ATP8A2: variants seen among roughly 807,000 people sequenced by gnomAD.
The protein encoded by ATP8A2 is ATPase phospholipid transporting 8A2, also known as phospholipid-transporting ATPase IB.
Under a neutral mutation model 165.6 loss-of-function variants are expected in ATP8A2, and 100 were observed. The ratio of observed to expected loss-of-function variants is 0.60; its 90% CI spans 0.51 to 0.71. The LOEUF (loss-of-function observed/expected upper bound fraction) is 0.71, where lower values mean the gene tolerates loss of function less well. Ranked by LOEUF, ATP8A2 falls within the 30% of genes least tolerant of loss-of-function variation. The pLI is 0.00. For synonymous variants in ATP8A2, 543 were observed against 548.8 expected, an observed-to-expected ratio of 0.99 and a Z score of 0.15; for missense variants, 1,227 against 1,479.5, an observed-to-expected ratio of 0.83 and a Z score of 2.80.
chr13:25,374,580 C>A (rs981260042), intron 1 of ATP8A2, among the ~76,000 whole-genome samples: 1 of 152,050 alleles, frequency 6.6e-6, no homozygotes, highest in African/African-American at 2.4e-5. Flanking sequence ...TGAGAGTAAC[C>A]GTGAGAAGCA....
chr13:25,978,548 C>T (rs763258524), intron 35 of ATP8A2, among the ~76,000 whole-genome samples: 5 of 151,966 alleles, frequency 3.3e-5, no homozygotes, highest in Non-Finnish European at 7.4e-5. Flanking sequence ...GAAGTGTAGA[C>T]TCCCAGGCCC....
intron 1 of ATP8A2, among the ~76,000 whole-genome samples, chr13:25,466,585 TG>T (rs2035674692): frequency 6.6e-6 from 1 of 152,228 alleles, no homozygotes; most frequent in Admixed American, 6.5e-5. Flanking sequence ...TCTGTTTTTG[TG>T]TTCTCAGCGG....
chr13:25,678,724 C>G (rs1444449421), intron 24 of ATP8A2, among the ~76,000 whole-genome samples: 1 of 152,120 alleles, frequency 6.6e-6, no homozygotes, highest in African/African-American at 2.4e-5. Flanking sequence ...GAAATTAGTC[C>G]TGGGGTTGAA....
chr13:25,950,298 A>G (rs1955320777), intron 33 of ATP8A2, among the ~76,000 whole-genome samples: 1 of 152,188 alleles, frequency 6.6e-6, no homozygotes, highest in African/African-American at 2.4e-5. Flanking sequence ...GCAGAGTAGG[A>G]CAGGGGTCGT....
At chr13:25,469,234 C>G (rs1222974309) in intron 2 of ATP8A2, 113 bp downstream of exon 2, 1 of 1,333,260 alleles carries the variant, frequency 7.5e-7, no homozygotes, top group East Asian at 2.5e-5. Flanking sequence ...TCCATCTCCC[C>G]CAGAGCCTTC....
intron 35 of ATP8A2, among the ~76,000 whole-genome samples, chr13:25,977,129 C>T (rs1374527547): frequency 7.0e-6 from 1 of 143,230 alleles, no homozygotes; most frequent in Non-Finnish European, 1.5e-5. Flanking sequence ...TTTGATATGG[C>T]TCAGGAAAGA....
intron 15 of ATP8A2, among the ~76,000 whole-genome samples, chr13:25,561,293 A>C (rs529552255): frequency 4.3e-4 from 65 of 152,086 alleles, no homozygotes; most frequent in African/African-American, 1.6e-3. Context: ...TTCCCTCTGC[A>C]TCTCTTGATA....
chr13:25,814,383 A>G (rs1399629526), intron 27 of ATP8A2, among the ~76,000 whole-genome samples: 1 of 152,056 alleles, frequency 6.6e-6, no homozygotes, highest in African/African-American at 2.4e-5. Context: ...AAACAGGAAA[A>G]CCTATTCTAA....
chr13:26,013,683 A>AG (rs1203161238), intron 36 of ATP8A2, among the ~76,000 whole-genome samples: 2 of 51,274 alleles, frequency 3.9e-5, no homozygotes, highest in East Asian at 9.3e-4. Context: ...TCAAAAAAAA[A>AG]AAAAAAGAAA....
chr13:25,672,898 G>A (rs1438571920), intron 24 of ATP8A2, among the ~76,000 whole-genome samples: 6 of 152,202 alleles, frequency 3.9e-5, no homozygotes, highest in Non-Finnish European at 8.8e-5. Flanking sequence ...ATTACAGAGT[G>A]GGAGTGGGCA....
At chr13:25,564,119 G>A in intron 16 of ATP8A2, 88 bp downstream of exon 16, 1 of 936,746 alleles carries the variant, frequency 1.1e-6, no homozygotes, top group East Asian at 2.4e-5. Context: ...GCAAGTTGCA[G>A]TTTTAGAGCA....
intron 13 of ATP8A2, among the ~76,000 whole-genome samples, chr13:25,555,419 C>A (rs994145214): frequency 2.0e-4 from 31 of 152,064 alleles, no homozygotes; most frequent in Non-Finnish European, 4.0e-4. Flanking sequence ...AGTAACCCTA[C>A]AAAACGTGTG....
intron 25 of ATP8A2, among the ~76,000 whole-genome samples, chr13:25,730,173 TC>T (rs1342058556): frequency 5.9e-5 from 9 of 152,074 alleles, no homozygotes; most frequent in Non-Finnish European, 1.2e-4. Context: ...TGCCTGTGGT[TC>T]CAGCTACTCT....
At chr13:25,637,573 A>G in intron 24 of ATP8A2, among the ~76,000 whole-genome samples, 1 of 152,134 alleles carries the variant, frequency 6.6e-6, no homozygotes, top group Non-Finnish European at 1.5e-5. Flanking sequence ...GGCGCCTGCC[A>G]TTGACGAGGC....
chr13:25,909,621 T>A lies in ATP8A2; in HGVS notation c.3183+47213T>A, dbSNP rs539545843. Among the ~76,000 whole-genome samples, 8 of 152,336 alleles carry A rather than the reference T, an allele frequency of 5.3e-5. No individual in the cohort carries two copies. The South Asian group carries it at 1.7e-3, about 32-fold the overall frequency. On this transcript the variant is annotated intron_variant, in intron 33 of 36. Transcript: ENST00000381655. ...AAATCCTTAATGCACATTTAAATTA[T>A]GAGTTCCCAGAATAATGTGGCTGGT...
At chr13:26,013,151 G>A (rs1249293412) in intron 36 of ATP8A2, among the ~76,000 whole-genome samples, 1 of 151,740 alleles carries the variant, frequency 6.6e-6, no homozygotes, top group African/African-American at 2.4e-5. Context: ...GAGCTCAGGG[G>A]GAGCTCATGG....
At chr13:25,869,672 T>A (rs1057215932) in intron 33 of ATP8A2, among the ~76,000 whole-genome samples, 4 of 152,206 alleles carry the variant, frequency 2.6e-5, no homozygotes, top group African/African-American at 9.6e-5. Flanking sequence ...ATTGAACAAT[T>A]GAGATGAGAA....
At chr13:25,610,464 A>G (rs1565977845) in intron 24 of ATP8A2, among the ~76,000 whole-genome samples, 1 of 152,070 alleles carries the variant, frequency 6.6e-6, no homozygotes, top group Non-Finnish European at 1.5e-5. Context: ...ATTCTGTTTC[A>G]TTGGTCTATG....
At chr13:25,560,700 CAAAAAAAAA>C (rs748751011) in intron 15 of ATP8A2, among the ~76,000 whole-genome samples, 3 of 63,292 alleles carry the variant, frequency 4.7e-5, no homozygotes, top group African/African-American at 6.0e-5. Context: ...ACTCTTGTCT[CAAAAAAAAA>C]AAAAAAAAAA....
Sources: gnomAD v4.1 joint callset for allele counts (sites outside exome capture counted in the v4.1 genomes callset) on GRCh38, gnomAD v4.1.1 for gene constraint, MANE v1.5 for transcripts, NCBI Gene and HGNC (gene_info 2026-07-23, HGNC 2026-07-21) for gene names.